The following RIN2 variants were observed in gnomAD, a reference collection of about 807,000 sequenced individuals.
RIN2 encodes RAB5 interacting protein 2.
RIN2 carries 36 observed loss-of-function variants against 78.0 expected under a neutral mutation model. The ratio of observed to expected loss-of-function variants is 0.46; its 90% CI spans 0.35 to 0.61. RIN2 has a LOEUF of 0.61. Among genes scored for constraint, RIN2 ranks in the 20% least tolerant of loss-of-function variants. The pLI is 0.00. For synonymous variants in RIN2, 466 were observed against 466.8 expected, an observed-to-expected ratio of 1.00 and a Z score of 0.02; for missense variants, 1,087 against 1,159.7, an observed-to-expected ratio of 0.94 and a Z score of 0.91.
At chr20:19,877,083 G>A (rs2037881267) in intron 2 of RIN2, among the ~76,000 whole-genome samples, 1 of 152,116 alleles carries the variant, frequency 6.6e-6, no homozygotes, top group South Asian at 2.1e-4. Flanking sequence ...CCTTCTGGAG[G>A]AGAGTAAGAA....
intron 3 of RIN2, among the ~76,000 whole-genome samples, chr20:19,923,415 C>CAAAAT (rs1276348193): frequency 4.6e-5 from 4 of 87,896 alleles, no homozygotes; most frequent in Non-Finnish European, 9.4e-5. Context: ...GACTGTGTCT[C>CAAAAT]AAAATAAAAT....
At chr20:19,807,812 C>T (rs1027037503) in intron 2 of RIN2, among the ~76,000 whole-genome samples, 1 of 152,196 alleles carries the variant, frequency 6.6e-6, no homozygotes, top group African/African-American at 2.4e-5. Flanking sequence ...TACCTTGGCT[C>T]TCTCATCTGG....
At position 19,798,143 on chromosome 20, in the gene RIN2, G is replaced by A. The variant is rs577649470; in HGVS notation, c.-162-1479G>A. On this transcript the variant is annotated intron_variant, in intron 1 of 12. Coordinates refer to ENST00000255006, the MANE Select transcript of RIN2 (RefSeq NM_018993.4). ...TGGGATTACAGGTGTGAGCCACCAC[G>A]CCCGGCCTATTCTACTTAATCTTTA... is the stretch of plus-strand genomic sequence containing the variant. Among the ~76,000 whole-genome samples, 65 of 152,206 alleles carry A rather than the reference G, an allele frequency of 4.3e-4. No homozygotes were observed. In the South Asian group the frequency reaches 9.5e-3, roughly 22 times the overall value.
chr20:19,802,727 A>T (rs1600491151), intron 2 of RIN2, among the ~76,000 whole-genome samples: 1 of 152,136 alleles, frequency 6.6e-6, no homozygotes, highest in East Asian at 1.9e-4. Flanking sequence ...ACCTTGACTG[A>T]GTCCTGAAGG....
intron 1 of RIN2, among the ~76,000 whole-genome samples, chr20:19,787,512 A>G (rs1490987122): frequency 6.6e-6 from 1 of 151,926 alleles, no homozygotes; most frequent in Admixed American, 6.6e-5. Context: ...TCCTGATGGC[A>G]AAAGTGTAGT....
At chr20:19,779,585 G>A (rs2034428914) in intron 1 of RIN2, among the ~76,000 whole-genome samples, 1 of 152,182 alleles carries the variant, frequency 6.6e-6, no homozygotes, top group African/African-American at 2.4e-5. Flanking sequence ...TGACCCCTAG[G>A]ATGAAAAATT....
intron 3 of RIN2, among the ~76,000 whole-genome samples, chr20:19,909,389 T>TA (rs2039363002): frequency 6.6e-6 from 1 of 152,150 alleles, no homozygotes; most frequent in African/African-American, 2.4e-5. Flanking sequence ...TATACATAAC[T>TA]AAAAATAATT....
chr20:19,975,618 C>G lies in RIN2; in HGVS notation c.1593C>G (p.Cys531Trp). The G allele has an allele frequency of 6.2e-7, 1 of 1,613,938 alleles. No individual in the cohort carries two copies. Among genetic ancestry groups the G allele is most frequent in the Non-Finnish European group, 8.5e-7 (1 of 1,179,904 alleles). The change falls in exon 9 of 13, where the codon TGC becomes TGG. Residue 531 changes from cysteine to tryptophan, a missense_variant. This residue lies in a region of RIN2 where 34 missense variants were observed against 46.1 expected (regional missense o/e 0.74). Transcript: ENST00000255006. This position sits in a 1 kb window ranked among gnomAD's most constrained non-coding sequence, Gnocchi z 4.9. ...GGGACAAATGCACCTACTTCGGGTG[C>G]TTAGTGCAGGACTACGTGAGCTTCC... ...LSRDKCTYFG[C>W]LVQDYVSFLQ...
chr20:19,964,850 T>C (rs1355801248), intron 6 of RIN2, 102 bp from the exon 7 acceptor site: 1 of 978,768 alleles, frequency 1.0e-6, no homozygotes, highest in Non-Finnish European at 1.6e-6. Flanking sequence ...GGTAGTTTGT[T>C]TGAGAGTACT....
At chr20:19,900,667 T>C (rs1376144230) in intron 3 of RIN2, among the ~76,000 whole-genome samples, 2 of 145,772 alleles carry the variant, frequency 1.4e-5, no homozygotes, top group African/African-American at 5.1e-5. Context: ...CAACAAAAAT[T>C]AGGCTGGGTG....
At chr20:19,950,383 A>G (rs150614872) in intron 4 of RIN2, among the ~76,000 whole-genome samples, 1 of 152,362 alleles carries the variant, frequency 6.6e-6, no homozygotes, top group African/African-American at 2.4e-5. Flanking sequence ...TTTTATAGTT[A>G]TAAAAACTCA....
chr20:19,854,758 G>T (rs991941379), intron 2 of RIN2, among the ~76,000 whole-genome samples: 72 of 152,242 alleles, frequency 4.7e-4, no homozygotes, highest in Admixed American at 8.5e-4. Context: ...TGAAGTTGCT[G>T]ATCAGCTTAA....
intron 1 of RIN2, among the ~76,000 whole-genome samples, chr20:19,787,370 C>G (rs570381781): frequency 2.1e-5 from 3 of 143,720 alleles, no homozygotes; most frequent in African/African-American, 7.8e-5. Flanking sequence ...TTGCAGTGAG[C>G]TGAGATCGCA....
At chr20:19,835,042 AG>A (rs919591140) in intron 2 of RIN2, among the ~76,000 whole-genome samples, 6 of 151,524 alleles carry the variant, frequency 4.0e-5, no homozygotes, top group Admixed American at 3.9e-4. Flanking sequence ...AGAAAGAGAA[AG>A]AAAAAGACAG....
At chr20:19,770,646 T>A (rs1260845057) in intron 1 of RIN2, among the ~76,000 whole-genome samples, 1 of 152,066 alleles carries the variant, frequency 6.6e-6, no homozygotes, top group Non-Finnish European at 1.5e-5. Context: ...CTCTTCCACC[T>A]CCTGCTGCCT....
intron 1 of RIN2, among the ~76,000 whole-genome samples, chr20:19,779,776 T>C (rs755731823): frequency 6.6e-6 from 1 of 152,214 alleles, no homozygotes; most frequent in Non-Finnish European, 1.5e-5. Flanking sequence ...TTCAAAAGTA[T>C]ACCATGTATT....
At chr20:19,776,779 G>A (rs199688048) in intron 1 of RIN2, among the ~76,000 whole-genome samples, 3 of 151,688 alleles carry the variant, frequency 2.0e-5, no homozygotes, top group East Asian at 3.9e-4. Flanking sequence ...TCTGCCCACA[G>A]CCTGGAAACC....
At chr20:19,976,324 T>TAG (rs1341039211) in intron 9 of RIN2, among the ~76,000 whole-genome samples, 1 of 152,194 alleles carries the variant, frequency 6.6e-6, no homozygotes, top group East Asian at 1.9e-4. Flanking sequence ...GACCAGCATC[T>TAG]AGGGACCCCG....
chr20:19,865,998 G>A (rs1167965961), intron 2 of RIN2, among the ~76,000 whole-genome samples: 1 of 151,962 alleles, frequency 6.6e-6, no homozygotes, highest in Non-Finnish European at 1.5e-5. Context: ...TACATTTATT[G>A]TGTACTTTAT....
Sources: allele counts gnomAD v4.1 joint callset (sites outside exome capture counted in the v4.1 genomes callset), GRCh38; gene constraint gnomAD v4.1.1; regional missense constraint gnomAD v4.1.1; non-coding constraint Gnocchi (gnomAD v3.1); transcripts MANE v1.5; gene names NCBI Gene and HGNC (gene_info 2026-07-23, HGNC 2026-07-21).